Variants in CIP2A observed in about 807,000 individuals in gnomAD.
The protein encoded by CIP2A is protein CIP2A.
A neutral mutation model predicts 110.9 loss-of-function variants in CIP2A; 103 were observed. The ratio of observed to expected loss-of-function variants is 0.93; its 90% confidence interval spans 0.79 to 1.09. CIP2A has a LOEUF of 1.09. Ranked by LOEUF, CIP2A falls within the 50% of genes least tolerant of loss-of-function variation. CIP2A has a pLI of 0.00. For missense variants in CIP2A, 1,088 were observed against 1,038.4 expected, an observed-to-expected ratio of 1.05 and a Z score of -0.66; for synonymous variants, 381 against 361.6, an observed-to-expected ratio of 1.05 and a Z score of -0.61.
chr3:108,575,658 A>G (rs1157658477), intron 8 of CIP2A, among the ~76,000 whole-genome samples: 1 of 106,276 alleles, frequency 9.4e-6, no homozygotes, highest in Non-Finnish European at 1.9e-5. Context: ...ACATGTGTAT[A>G]TATACGTGTA....
intron 8 of CIP2A, among the ~76,000 whole-genome samples, chr3:108,574,141 A>G (rs1485631332): frequency 2.0e-5 from 3 of 152,184 alleles, no homozygotes; most frequent in African/African-American, 7.2e-5. Flanking sequence ...CCATCAAAAG[A>G]CTCCAGAATA....
intron 1 of CIP2A, among the ~76,000 whole-genome samples, chr3:108,588,579 T>C (rs186962799): frequency 2.4e-4 from 36 of 152,274 alleles, no homozygotes; most frequent in African/African-American, 7.5e-4. Context: ...TAAGCCTTAA[T>C]TGAGCTTTAA....
At chr3:108,567,475 A>C (rs1938226708) in intron 10 of CIP2A, among the ~76,000 whole-genome samples, 1 of 152,008 alleles carries the variant, frequency 6.6e-6, no homozygotes, top group Non-Finnish European at 1.5e-5. Flanking sequence ...CTTTGCTCAT[A>C]GTAAAAAAGT....
chr3:108,582,882 G>T, intron 3 of CIP2A, 95 bp downstream of exon 3: 1 of 608,130 alleles, frequency 1.6e-6, no homozygotes, highest in Non-Finnish European at 2.9e-6. Flanking sequence ...TTATTATATA[G>T]CATATATACA....
At chr3:108,575,511 TAC>T (rs1491585583) in intron 8 of CIP2A, among the ~76,000 whole-genome samples, 11 of 148,272 alleles carry the variant, frequency 7.4e-5, no homozygotes, top group Non-Finnish European at 1.3e-4. Context: ...TATGTATATA[TAC>T]ACATACATAT....
intron 5 of CIP2A, among the ~76,000 whole-genome samples, chr3:108,580,876 T>C (rs183706578): frequency 6.6e-6 from 1 of 152,288 alleles, no homozygotes; most frequent in Admixed American, 6.5e-5. Flanking sequence ...TCTGCCTGCC[T>C]TGGCCTCCAA....
chr3:108,572,066 T>C (rs570515702), intron 8 of CIP2A, among the ~76,000 whole-genome samples: 20 of 152,212 alleles, frequency 1.3e-4, no homozygotes, highest in African/African-American at 2.4e-4. Flanking sequence ...ATACATACAA[T>C]GTAGAAAAAT....
intron 2 of CIP2A, among the ~76,000 whole-genome samples, chr3:108,584,449 C>T (rs1355711931): frequency 6.6e-6 from 1 of 152,156 alleles, no homozygotes; most frequent in Non-Finnish European, 1.5e-5. Flanking sequence ...TGGGTACAGG[C>T]TCACCCCATT....
chr3:108,554,268 GTGACAATTC>G, intron 18 of CIP2A, 99 bp downstream of exon 18: 1 of 549,116 alleles, frequency 1.8e-6, no homozygotes, highest in Middle Eastern at 5.0e-4. Flanking sequence ...TCTAAAATAA[GTGACAATTC>G]TATTAATTTT....
intron 11 of CIP2A, 47 bp downstream of exon 11, chr3:108,566,450 G>A (rs773122323): frequency 1.4e-5 from 21 of 1,523,006 alleles, no homozygotes; most frequent in Admixed American, 9.8e-5. Flanking sequence ...CACATCTTTC[G>A]ATTTTTTACT....
chr3:108,553,919 A>AAAAAAAAAAAAAAAAAAAAAAAAAAAT (rs1252066318), intron 18 of CIP2A, among the ~76,000 whole-genome samples, 189 bp from the exon 19 acceptor site: 1 of 141,638 alleles, frequency 7.1e-6, no homozygotes. Context: ...AAAAAAAAAA[A>AAAAAAAAAAAAAAAAAAAAAAAAAAAT]GGTCTCGTTC....
chr3:108,556,885 TGCA>T (rs1937820542), intron 17 of CIP2A, among the ~76,000 whole-genome samples: 1 of 152,156 alleles, frequency 6.6e-6, no homozygotes, highest in South Asian at 2.1e-4. Context: ...TGCCTAACTA[TGCA>T]GCAAGCACTC....
In CIP2A at chr3:108,568,245, C is replaced by T. The variant is rs1397720279; in HGVS notation, c.1183G>A (p.Asp395Asn). ...FVTLLLPTIL[D>N]QLQFTEQNLD... ...TTTTGTTCTGTGAACTGAAGTTGAT[C>T]AAGGATTGTAGGCAGCAGAAGGGTC... The change falls in exon 10 of 21, where the codon GAT becomes AAT. Residue 395 changes from aspartate (D) to asparagine (N), a missense_variant. Transcript: ENST00000295746. 6.2e-7 allele frequency: 1 copy of T among 1,612,228 alleles called. No homozygotes were observed. The highest frequency in any genetic ancestry group is 8.5e-7 in the Non-Finnish European group (1 of 1,178,804).
chr3:108,560,221 G>A (rs1238085756), intron 14 of CIP2A, among the ~76,000 whole-genome samples, 193 bp from the exon 15 acceptor site: 1 of 151,898 alleles, frequency 6.6e-6, no homozygotes, highest in East Asian at 1.9e-4. Flanking sequence ...ACCCAGGTTG[G>A]AGTGAAGTGG....
chr3:108,558,883 T>C (rs1241324276), intron 16 of CIP2A, among the ~76,000 whole-genome samples: 2 of 152,200 alleles, frequency 1.3e-5, no homozygotes, highest in African/African-American at 2.4e-5. Flanking sequence ...TTGAGGCCTA[T>C]ATAGTTAGAA....
At chr3:108,574,102 A>C (rs1938486719) in intron 8 of CIP2A, among the ~76,000 whole-genome samples, 1 of 152,176 alleles carries the variant, frequency 6.6e-6, no homozygotes, top group Admixed American at 6.6e-5. Flanking sequence ...AACTCACAGA[A>C]TGGAAGAAAA....
chr3:108,588,741 T>C (rs1939184910), intron 1 of CIP2A, among the ~76,000 whole-genome samples: 1 of 152,200 alleles, frequency 6.6e-6, no homozygotes, highest in African/African-American at 2.4e-5. Flanking sequence ...ATTAAAAAAC[T>C]GTAAGCAATG....
In CIP2A at chr3:108,576,460, T is replaced by A. The variant is rs1447452430; in HGVS notation, c.819-114A>T. 8 of 550,816 alleles carry A rather than the reference T, an allele frequency of 1.5e-5. No homozygotes were observed. The East Asian group carries it at 2.7e-4, about 19-fold the overall frequency. The allele number at this position is 550,816 out of a possible 1,614,324, so 34.1% of individuals were successfully genotyped here. ...ATGTGTATTTTCTTTCATCTATTTA[T>A]TTGGGCTTCTAATATAGAACACACT... On this transcript the variant is annotated intron_variant, in intron 7 of 20. Transcript: ENST00000295746.
At chr3:108,571,204 T>G (rs1278369767) in intron 8 of CIP2A, among the ~76,000 whole-genome samples, 1 of 152,158 alleles carries the variant, frequency 6.6e-6, no homozygotes, top group Non-Finnish European at 1.5e-5. Flanking sequence ...TACAGTTAAC[T>G]TTTTTATAAG....
Sources: allele counts gnomAD v4.1 joint callset (sites outside exome capture counted in the v4.1 genomes callset), GRCh38; gene constraint gnomAD v4.1.1; transcripts MANE v1.5; gene names NCBI Gene and HGNC (gene_info 2026-07-23, HGNC 2026-07-21).